Variants in COX7B2 observed in about 807,000 individuals in gnomAD.
COX7B2 encodes the protein cytochrome c oxidase subunit 7B2, also known as cytochrome c oxidase subunit 7B2, mitochondrial.
For synonymous variants in COX7B2, 37 were observed against 32.1 expected (o/e 1.15, Z -0.51); for missense variants, 109 against 95.9 (o/e 1.14, Z -0.57).
At chr4:46,837,353 T>C (rs1396759727) in intron 2 of COX7B2, among the ~76,000 whole-genome samples, 1 of 151,542 alleles carries the variant, frequency 6.6e-6, no homozygotes, top group East Asian at 1.9e-4. Flanking sequence ...TATGAAGTGA[T>C]ATACACACTA....
At chr4:46,821,342 A>C (rs1377772738) in intron 2 of COX7B2, among the ~76,000 whole-genome samples, 4 of 152,210 alleles carry the variant, frequency 2.6e-5, no homozygotes, top group Non-Finnish European at 2.9e-5. Context: ...TCTATTTGGC[A>C]GCAACCTTCT....
intron 1 of COX7B2, among the ~76,000 whole-genome samples, chr4:46,865,809 G>C (rs1015169336): frequency 6.6e-6 from 1 of 152,166 alleles, no homozygotes; most frequent in African/African-American, 2.4e-5. Flanking sequence ...CCCCAGGATA[G>C]AGAGTTCCAC....
intron 2 of COX7B2, among the ~76,000 whole-genome samples, chr4:46,832,825 T>C (rs1196223267): frequency 6.6e-6 from 1 of 152,128 alleles, no homozygotes; most frequent in African/African-American, 2.4e-5. Flanking sequence ...CCTTCTGCCA[T>C]AATTGTAAGC....
intron 1 of COX7B2, among the ~76,000 whole-genome samples, chr4:46,879,605 T>C (rs1718577505): frequency 1.3e-5 from 2 of 151,996 alleles, no homozygotes; most frequent in African/African-American, 4.8e-5. Flanking sequence ...TTAGAGTATG[T>C]TGCATAATCT....
chr4:46,824,648 T>A (rs1235558942), intron 2 of COX7B2, among the ~76,000 whole-genome samples: 1 of 140,432 alleles, frequency 7.1e-6, no homozygotes. Flanking sequence ...AGTATTACTG[T>A]TTGTGTAAAA....
chr4:46,807,824 G>A (rs1011712390), intron 2 of COX7B2, among the ~76,000 whole-genome samples: 4 of 151,774 alleles, frequency 2.6e-5, no homozygotes, highest in African/African-American at 9.7e-5. Flanking sequence ...TCTAAAATTA[G>A]TTGATAGTAT....
At chr4:46,827,288 T>C (rs1295739117) in intron 2 of COX7B2, among the ~76,000 whole-genome samples, 1 of 151,794 alleles carries the variant, frequency 6.6e-6, no homozygotes, top group East Asian at 1.9e-4. Context: ...ATAGGATAAA[T>C]ACAAAGAAAA....
intron 2 of COX7B2, among the ~76,000 whole-genome samples, chr4:46,794,372 A>G (rs1016401000): frequency 6.6e-6 from 1 of 152,218 alleles, no homozygotes; most frequent in Non-Finnish European, 1.5e-5. Flanking sequence ...AAGATGGTAC[A>G]CAGTGAGTAA....
intron 1 of COX7B2, among the ~76,000 whole-genome samples, chr4:46,888,975 T>G (rs1356005140): frequency 1.3e-5 from 2 of 152,148 alleles, no homozygotes; most frequent in African/African-American, 4.8e-5. Context: ...TAACTAAGAG[T>G]GTAACTGGAT....
At chr4:46,901,166 T>A (rs1292611510) in intron 1 of COX7B2, among the ~76,000 whole-genome samples, 2 of 152,204 alleles carry the variant, frequency 1.3e-5, no homozygotes, top group African/African-American at 4.8e-5. Flanking sequence ...CAGATGATCC[T>A]CGTTCATTTT....
intron 2 of COX7B2, among the ~76,000 whole-genome samples, chr4:46,780,500 G>C (rs1423839628): frequency 6.6e-6 from 1 of 152,204 alleles, no homozygotes; most frequent in Non-Finnish European, 1.5e-5. Flanking sequence ...CTGGGTGACA[G>C]AGAGAGACTA....
intron 1 of COX7B2, among the ~76,000 whole-genome samples, chr4:46,874,025 T>C (rs1212264781): frequency 6.6e-6 from 1 of 152,198 alleles, no homozygotes; most frequent in Admixed American, 6.5e-5. Context: ...GTAAATGGGA[T>C]TAAAAGATCA....
At chr4:46,832,071 TAAG>T (rs1715160542) in intron 2 of COX7B2, among the ~76,000 whole-genome samples, 1 of 152,180 alleles carries the variant, frequency 6.6e-6, no homozygotes, top group Non-Finnish European at 1.5e-5. Flanking sequence ...TGGGGCCAGA[TAAG>T]AGAATAAAAG....
chr4:46,881,693 G>T (rs1718754738), intron 1 of COX7B2, among the ~76,000 whole-genome samples: 1 of 152,088 alleles, frequency 6.6e-6, no homozygotes, highest in South Asian at 2.1e-4. Context: ...CTGCACTCCA[G>T]CCTGGGCGAT....
At chr4:46,855,197 C>T (rs1716935154) in intron 1 of COX7B2, among the ~76,000 whole-genome samples, 1 of 152,008 alleles carries the variant, frequency 6.6e-6, no homozygotes, top group Non-Finnish European at 1.5e-5. Context: ...CATGGTGGCA[C>T]ACACCTGTAA....
intron 2 of COX7B2, among the ~76,000 whole-genome samples, chr4:46,810,613 C>T (rs73141222): frequency 0.023 from 3,461 of 152,032 alleles, 119 homozygotes; most frequent in African/African-American, 0.079. Flanking sequence ...ACATTTATTA[C>T]AGCTTTAGTT....
At chr4:46,750,587 G>T (rs1715309949) in intron 2 of COX7B2, among the ~76,000 whole-genome samples, 1 of 152,032 alleles carries the variant, frequency 6.6e-6, no homozygotes, top group Non-Finnish European at 1.5e-5. Flanking sequence ...ACCACTCAAT[G>T]GTTTCTAACT....
chr4:46,755,876 A>G (rs1473153625), intron 2 of COX7B2, among the ~76,000 whole-genome samples: 1 of 152,080 alleles, frequency 6.6e-6, no homozygotes, highest in Non-Finnish European at 1.5e-5. Context: ...TGTTAAAATT[A>G]TCACACAGCC....
intron 1 of COX7B2, among the ~76,000 whole-genome samples, chr4:46,901,228 A>G (rs1458477015): frequency 6.6e-6 from 1 of 152,214 alleles, no homozygotes; most frequent in Non-Finnish European, 1.5e-5. Context: ...CTCAACATGA[A>G]TATTAAACAT....
Sources: gnomAD v4.1 joint callset for allele counts (sites outside exome capture counted in the v4.1 genomes callset) on GRCh38, gnomAD v4.1.1 for gene constraint, MANE v1.5 for transcripts, NCBI Gene and HGNC (gene_info 2026-07-23, HGNC 2026-07-21) for gene names.